The following MGAM2 variants were observed in gnomAD, a reference collection of about 807,000 sequenced individuals.
MGAM2 encodes the protein probable maltase-glucoamylase 2.
MGAM2 carries 98 observed loss-of-function variants against 96.1 expected under a neutral mutation model. The ratio of observed to expected loss-of-function variants is 1.02; its 90% confidence interval spans 0.87 to 1.21. MGAM2 has a LOEUF of 1.21. Ranked by LOEUF, MGAM2 falls within the 50% of genes most tolerant of loss-of-function variation. The pLI is 0.00. For missense variants in MGAM2, 2,055 were observed against 1,182.4 expected (o/e 1.74, Z -10.82); for synonymous variants, 749 against 414.8 (o/e 1.81, Z -9.79).
intron 36 of MGAM2, among the ~76,000 whole-genome samples, chr7:142,188,822 C>G (rs1290966574): frequency 6.6e-6 from 1 of 152,188 alleles, no homozygotes; most frequent in African/African-American, 2.4e-5. Context: ...TTTTGCCCAA[C>G]TTAGGCTAAT....
chr7:142,144,981 A>G (rs1206831706), intron 14 of MGAM2, 36 bp downstream of exon 14: 6 of 701,388 alleles, frequency 8.6e-6, no homozygotes, highest in Non-Finnish European at 1.6e-5. Flanking sequence ...CGTAGGAATA[A>G]GCCATGTTTA....
intron 27 of MGAM2, among the ~76,000 whole-genome samples, 173 bp downstream of exon 27, chr7:142,170,402 T>G (rs1300022584): frequency 6.6e-6 from 1 of 152,204 alleles, no homozygotes; most frequent in Admixed American, 6.5e-5. Context: ...TGGTTAGTCA[T>G]TAACAAAAAT....
intron 22 of MGAM2, 75 bp from the exon 23 acceptor site, chr7:142,161,880 T>G: frequency 1.7e-6 from 1 of 578,308 alleles, no homozygotes; most frequent in South Asian, 2.2e-5. Context: ...GAATTCCAGA[T>G]GAAATGAAGA....
At chr7:142,196,310 GC>G in intron 38 of MGAM2, 23 bp downstream of exon 38, 1 of 712,236 alleles carries the variant, frequency 1.4e-6, no homozygotes, top group Non-Finnish European at 2.6e-6. Flanking sequence ...ATTCCCAGGG[GC>G]CTGTGCTGGC....
chr7:142,200,952 CAT>C (rs546232879), intron 45 of MGAM2, among the ~76,000 whole-genome samples: 149 of 146,138 alleles, frequency 1.0e-3, no homozygotes, highest in Admixed American at 2.0e-3. Flanking sequence ...ATGACAGAAA[CAT>C]GTGTGAATGT....
chr7:142,122,060 G>T (rs1794594315), intron 3 of MGAM2, among the ~76,000 whole-genome samples: 1 of 151,940 alleles, frequency 6.6e-6, no homozygotes, highest in African/African-American at 2.4e-5. Context: ...TTTTTTAAAA[G>T]AAATGGAAAA....
rs1422352072 is a variant in MGAM2, at chr7:142,140,926, T to G, written c.1211T>G (p.Ile404Ser). Residue 404 changes from isoleucine (I) to serine (S), a missense_variant, in exon 11 of 48, where the codon ATT becomes AGT. By Grantham distance (142) the Ile-to-Ser change is moderately radical. Coordinates refer to ENST00000477922, the MANE Select transcript of MGAM2 (RefSeq NM_001293626.2). ...CATGACAATGGACAGAAATATCTTA[T>G]TATTATGGTATGTTCAAACACTTGT... ...ELHDNGQKYLIIMNPGISKNS... is the reference protein window; with the variant it reads ...ELHDNGQKYLSIMNPGISKNS... 1 of 702,764 alleles carries G rather than the reference T, an allele frequency of 1.4e-6. No individual in the cohort carries two copies. Among genetic ancestry groups the G allele is most frequent in the Non-Finnish European group, 2.6e-6 (1 of 384,918 alleles). The allele number at this position is 702,764 out of a possible 1,614,324, so 43.5% of individuals were successfully genotyped here.
At chr7:142,136,890 A>C (rs1445371938) in intron 8 of MGAM2, among the ~76,000 whole-genome samples, 5 of 152,120 alleles carry the variant, frequency 3.3e-5, no homozygotes, top group African/African-American at 4.8e-5. Flanking sequence ...AGTCTGTAGA[A>C]AATAGGATCC....
At chr7:142,181,128 A>G (rs1796527492) in intron 32 of MGAM2, among the ~76,000 whole-genome samples, 1 of 152,184 alleles carries the variant, frequency 6.6e-6, no homozygotes, top group Admixed American at 6.5e-5. Context: ...TTGAATTGCT[A>G]GGGTTCTTGT....
rs1796176388 is a variant in MGAM2, at chr7:142,171,308, C to T, written c.3219C>T (p.Asp1073=). 2.8e-6 allele frequency: 2 copies of T among 702,766 alleles called. No individual in the cohort carries two copies. The highest frequency in any genetic ancestry group is 2.0e-5 in the Admixed American group (1 of 49,984). The allele number at this position is 702,766 out of a possible 1,614,324, so 43.5% of individuals were successfully genotyped here. The change falls in exon 28 of 48, where the codon GAC becomes GAT. Residue 1073 remains aspartate (D), a synonymous_variant. Transcript: ENST00000477922. Reference sequence around the variant, plus strand: ...AACTCCCTGGCTTCATCTTCAATGACATGTTTCTCTCCATTTCTACGCGTC... The same window carrying T: ...AACTCCCTGGCTTCATCTTCAATGATATGTTTCTCTCCATTTCTACGCGTC... ...DSQLPGFIFN[D]MFLSISTRLP... is the part of the protein sequence containing the mutation.
At chr7:142,117,586 C>G (rs1345246276) in intron 2 of MGAM2, among the ~76,000 whole-genome samples, 1 of 152,142 alleles carries the variant, frequency 6.6e-6, no homozygotes, top group African/African-American at 2.4e-5. Flanking sequence ...GCTTGACAAG[C>G]TCACTTTACA....
chr7:142,112,736 C>A (rs1158050587), intron 1 of MGAM2, among the ~76,000 whole-genome samples: 1 of 152,062 alleles, frequency 6.6e-6, no homozygotes, highest in Non-Finnish European at 1.5e-5. Flanking sequence ...TCTTAATATT[C>A]ATCTATAAAA....
chr7:142,120,557 GA>G (rs1794539977), intron 3 of MGAM2, among the ~76,000 whole-genome samples, 176 bp downstream of exon 3: 1 of 151,864 alleles, frequency 6.6e-6, no homozygotes, highest in African/African-American at 2.4e-5. Flanking sequence ...AAGCAGGGTT[GA>G]AAAAAAGGAA....
chr7:142,134,359 C>T (rs182983992), intron 7 of MGAM2, among the ~76,000 whole-genome samples: 9 of 152,134 alleles, frequency 5.9e-5, no homozygotes, highest in East Asian at 1.9e-4. Flanking sequence ...TCTAGCAATT[C>T]GAAATGCAGC....
rs573541715 is a variant in MGAM2 at position 142,196,751 on chromosome 7, G to A, written c.4567G>A (p.Val1523Ile). The A allele has an allele frequency of 1.8e-5, 14 of 791,076 alleles. No individual in the cohort carries two copies. The African/African-American group carries it at 1.9e-4, about 10-fold the overall frequency. 49.0% of individuals were successfully genotyped at this position (791,076 alleles called of 1,614,324 possible). The change falls in exon 40 of 48, where the codon GTT (valine) becomes ATT (isoleucine). Residue 1523 changes from valine (V) to isoleucine (I), a missense_variant. Physicochemically the swap from Val to Ile is conservative, Grantham distance 29 (BLOSUM62 3). Transcript: ENST00000477922. ...FFGDAEYEMC[V>I]RWMQLGAFYP... ...TGGAGATGCTGAATATGAGATGTGT[G>A]TTCGCTGGATGCAACTGGGGGCATT... is the stretch of plus-strand genomic sequence containing the variant.
intron 3 of MGAM2, among the ~76,000 whole-genome samples, chr7:142,129,912 T>G (rs960525556): frequency 2.6e-5 from 4 of 151,280 alleles, no homozygotes; most frequent in Admixed American, 1.3e-4. Context: ...TTGCATTTTA[T>G]TTTGCTGTTT....
chr7:142,139,835 G>A (rs1299453955), intron 10 of MGAM2, among the ~76,000 whole-genome samples: 1 of 151,434 alleles, frequency 6.6e-6, no homozygotes, highest in Non-Finnish European at 1.5e-5. Context: ...AATGTGTTTT[G>A]GTGTCAAAGG....
chr7:142,185,065 CT>C lies in MGAM2; in HGVS notation c.3925-7del, dbSNP rs1310620722. The C allele has an allele frequency of 1.0e-5, 7 of 702,688 alleles. No homozygotes were observed. Among genetic ancestry groups the C allele is most frequent in the Non-Finnish European group, 1.8e-5 (7 of 384,846 alleles). The allele number at this position is 702,688 out of a possible 1,614,324, so 43.5% of individuals were successfully genotyped here. ...ATCTGTAAAGGTTTTAATTGCCCTT[CT>C]TTTTCTCTAGGTTTGGCCAGATCTG... On this transcript the variant is annotated splice_polypyrimidine_tract_variant and intron_variant, in intron 33 of 47. Coordinates refer to ENST00000477922, the MANE Select transcript of MGAM2 (RefSeq NM_001293626.2).
chr7:142,120,840 C>A (rs1257662894), intron 3 of MGAM2, among the ~76,000 whole-genome samples: 1 of 152,056 alleles, frequency 6.6e-6, no homozygotes. Context: ...TTACAAGAGC[C>A]CTCTGGATTA....
Sources: allele counts gnomAD v4.1 joint callset (sites outside exome capture counted in the v4.1 genomes callset), GRCh38; gene constraint gnomAD v4.1.1; transcripts MANE v1.5; gene names NCBI Gene and HGNC (gene_info 2026-07-23, HGNC 2026-07-21).